Variants in DLGAP1 observed in about 807,000 individuals in gnomAD.
DLGAP1 encodes the protein disks large-associated protein 1.
In DLGAP1, 11 loss-of-function variants were observed where a neutral mutation model predicts 90.8. The ratio of observed to expected loss-of-function variants is 0.12; its 90% CI spans 0.08 to 0.20. The LOEUF (loss-of-function observed/expected upper bound fraction) is 0.20. DLGAP1 is among the 10% of genes least tolerant of loss of function. The pLI, the probability that DLGAP1 is intolerant of heterozygous loss-of-function variation, is 1.00. For synonymous variants in DLGAP1, 558 were observed against 540.7 expected (o/e 1.03, Z -0.44); for missense variants, 1,050 against 1,333.8 (o/e 0.79, Z 3.31).
At chr18:4,283,833 G>A (rs1182722025) in intron 1 of DLGAP1, among the ~76,000 whole-genome samples, 2 of 152,232 alleles carry the variant, frequency 1.3e-5, no homozygotes, top group African/African-American at 4.8e-5. Flanking sequence ...ATGTAAAACT[G>A]TAACTTCAAA....
At chr18:3,535,072 C>CTGTGTGTGTG (rs111975324) in intron 9 of DLGAP1, among the ~76,000 whole-genome samples, 42 of 144,758 alleles carry the variant, frequency 2.9e-4, no homozygotes, top group African/African-American at 9.7e-4. Context: ...TCAATCTTCT[C>CTGTGTGTGTG]TGTGTGTGTG....
chr18:3,580,261 G>T (rs1004286638), intron 8 of DLGAP1: 2 of 1,604,756 alleles, frequency 1.2e-6, no homozygotes, highest in East Asian at 2.2e-5. Flanking sequence ...TCAGTGGAGT[G>T]GGGGACGCTC....
At position 4,220,772 on chromosome 18, in the gene DLGAP1, G is replaced by A. The variant is rs1171110585; in HGVS notation, c.-266-69485C>T. Among the ~76,000 whole-genome samples the A allele has an allele frequency of 1.4e-4, 21 of 152,078 alleles. No homozygotes were observed. The Middle Eastern group carries it at 0.01, about 74-fold the overall frequency. ...ATGAACTCTTACTCTTTTTAAAAATGTTTATTTGATGAGCAGGGAAGAAAT... is the reference window on the plus strand; with the variant it reads ...ATGAACTCTTACTCTTTTTAAAAATATTTATTTGATGAGCAGGGAAGAAAT... On this transcript the variant is annotated intron_variant, in intron 1 of 12. Transcript: ENST00000315677.
intron 1 of DLGAP1, among the ~76,000 whole-genome samples, chr18:4,362,654 G>A (rs554492269): frequency 7.2e-5 from 11 of 152,228 alleles, no homozygotes; most frequent in South Asian, 4.2e-4. Context: ...GGAGATGGAC[G>A]GTGGTGATGG....
chr18:3,916,508 T>A lies in DLGAP1; in HGVS notation c.-72-36368A>T, dbSNP rs181858181. Among the ~76,000 whole-genome samples the A allele has an allele frequency of 2.0e-5, 3 of 152,306 alleles. No individual in the cohort carries two copies. The East Asian group carries it at 5.8e-4, about 29-fold the overall frequency. On this transcript the variant is annotated intron_variant, in intron 3 of 12. Coordinates refer to ENST00000315677, the MANE Select transcript of DLGAP1 (RefSeq NM_004746.4). ...CTCTCATAGTCATAACCTATATGAC[T>A]TTGAGGGAAGAAAATCCTGACCCAT...
chr18:3,529,593 C>T (rs1241480196), intron 10 of DLGAP1, among the ~76,000 whole-genome samples: 1 of 152,134 alleles, frequency 6.6e-6, no homozygotes, highest in Non-Finnish European at 1.5e-5. Flanking sequence ...GTCAGAGGGT[C>T]TGGTGATATG....
At chr18:3,582,365 GA>G in intron 7 of DLGAP1, 117 bp from the exon 8 acceptor site, 1 of 1,468,070 alleles carries the variant, frequency 6.8e-7, no homozygotes, top group Non-Finnish European at 9.1e-7. Context: ...CATTTAACAG[GA>G]AAACAAGTTC....
intron 2 of DLGAP1, among the ~76,000 whole-genome samples, chr18:4,080,654 C>T (rs997843129): frequency 6.6e-6 from 1 of 152,150 alleles, no homozygotes; most frequent in African/African-American, 2.4e-5. Context: ...GGGCTGCTCC[C>T]TGGGAAGTTT....
chr18:4,411,669 G>C (rs921774598), intron 1 of DLGAP1, among the ~76,000 whole-genome samples: 1 of 152,164 alleles, frequency 6.6e-6, no homozygotes, highest in African/African-American at 2.4e-5. Flanking sequence ...GTCATCTGAA[G>C]GCTCCACATT....
At position 3,742,509 on chromosome 18, in the gene DLGAP1, G is replaced by T; in HGVS notation, c.1176C>A (p.Ile392=). The T allele has an allele frequency of 6.2e-7, 1 of 1,614,064 alleles. No individual in the cohort carries two copies. Among genetic ancestry groups the T allele is most frequent in the Non-Finnish European group, 8.5e-7 (1 of 1,179,950 alleles). The change falls in exon 6 of 13, where the codon ATC becomes ATA. Residue 392 remains isoleucine (I), a synonymous_variant. Coordinates refer to ENST00000315677, the MANE Select transcript of DLGAP1 (RefSeq NM_004746.4). ...PSLTELTTLK[I]SNEHSPKLQI... ...GGAGTTTGGGTGAGTGTTCATTGGA[G>T]ATTCTGGAAGGGAACAATGGAAGAG... is the stretch of plus-strand genomic sequence containing the variant.
chr18:3,777,439 A>T (rs1317710081), intron 5 of DLGAP1, among the ~76,000 whole-genome samples: 2 of 152,116 alleles, frequency 1.3e-5, no homozygotes, highest in African/African-American at 4.8e-5. Context: ...AATTTTATAA[A>T]AGTGGAGGTG....
intron 8 of DLGAP1, among the ~76,000 whole-genome samples, chr18:3,572,071 T>G (rs777639666): frequency 0.039 from 1,573 of 40,692 alleles, 18 homozygotes; most frequent in Non-Finnish European, 0.06. Context: ...TCTTCTAGGT[T>G]TTTTTTTTTT....
chr18:3,981,118 A>G (rs192426072), intron 3 of DLGAP1, among the ~76,000 whole-genome samples: 1 of 152,172 alleles, frequency 6.6e-6, no homozygotes, highest in African/African-American at 2.4e-5. Flanking sequence ...AAAAAGTAGG[A>G]TTGTTTGTCT....
At chr18:4,089,851 C>G (rs944157729) in intron 2 of DLGAP1, among the ~76,000 whole-genome samples, 1 of 152,166 alleles carries the variant, frequency 6.6e-6, no homozygotes, top group African/African-American at 2.4e-5. Flanking sequence ...CGAGACCATC[C>G]TGGCTAACAC....
chr18:4,157,837 GC>G (rs1209074526), intron 1 of DLGAP1, among the ~76,000 whole-genome samples: 2 of 152,176 alleles, frequency 1.3e-5, no homozygotes, highest in African/African-American at 4.8e-5. Flanking sequence ...GAAGCTGGCA[GC>G]CCCAAGACGC....
At chr18:3,676,468 T>C (rs1464819435) in intron 7 of DLGAP1, among the ~76,000 whole-genome samples, 1 of 152,162 alleles carries the variant, frequency 6.6e-6, no homozygotes, top group East Asian at 1.9e-4. Context: ...AAACTCCTCA[T>C]GAGTGTCCAT....
chr18:4,396,032 G>A (rs2082432484), intron 1 of DLGAP1, among the ~76,000 whole-genome samples: 1 of 152,144 alleles, frequency 6.6e-6, no homozygotes, highest in Admixed American at 6.5e-5. Context: ...TCCACTAACA[G>A]ATATTCTAAC....
intron 4 of DLGAP1, among the ~76,000 whole-genome samples, chr18:3,877,924 C>A (rs2071044566): frequency 1.3e-5 from 2 of 152,144 alleles, no homozygotes; most frequent in African/African-American, 4.8e-5. Context: ...TGTCCATGTG[C>A]TGGTGGCTTC....
chr18:3,964,747 G>A (rs574933252), intron 3 of DLGAP1, among the ~76,000 whole-genome samples: 1 of 152,182 alleles, frequency 6.6e-6, no homozygotes, highest in Admixed American at 6.5e-5. Flanking sequence ...AGAATACCAG[G>A]TGTGCTTTAA....
Sources: gnomAD v4.1 joint callset for allele counts (sites outside exome capture counted in the v4.1 genomes callset) on GRCh38, gnomAD v4.1.1 for gene constraint, MANE v1.5 for transcripts, NCBI Gene and HGNC (gene_info 2026-07-23, HGNC 2026-07-21) for gene names.